The following SMAP2 variants were observed in gnomAD, a reference collection of about 807,000 sequenced individuals.
SMAP2 encodes the protein small ArfGAP2.
In SMAP2, 25 loss-of-function variants were observed where a neutral mutation model predicts 56.4. The ratio of observed to expected loss-of-function variants is 0.44; its 90% CI spans 0.32 to 0.62. SMAP2 has a LOEUF of 0.62. Among genes scored for constraint, SMAP2 ranks in the 20% least tolerant of loss-of-function variants. SMAP2 has a pLI of 0.04. For synonymous variants in SMAP2, 157 were observed against 181.7 expected (o/e 0.86, Z 1.09); for missense variants, 388 against 545.6 (o/e 0.71, Z 2.88).
At chr1:40,419,515 C>T (rs995472565) in intron 9 of SMAP2, among the ~76,000 whole-genome samples, 1 of 152,054 alleles carries the variant, frequency 6.6e-6, no homozygotes. Flanking sequence ...AAACTCCTGA[C>T]CTCAGGTGAT....
chr1:40,360,137 G>A (rs1403544872), intron 1 of SMAP2, among the ~76,000 whole-genome samples: 2 of 148,102 alleles, frequency 1.4e-5, no homozygotes, highest in African/African-American at 5.0e-5. Flanking sequence ...CTCCTGAGTA[G>A]CTGGGACTAC....
At chr1:40,372,881 A>G (rs1644506261), upstream of SMAP2, among the ~76,000 whole-genome samples, 1 of 152,150 alleles carries the variant, frequency 6.6e-6, no homozygotes, top group African/African-American at 2.4e-5. Flanking sequence ...TGCTCAGTGA[A>G]TGAATGAATG....
intron 1 of SMAP2, among the ~76,000 whole-genome samples, chr1:40,378,453 A>T (rs76166711): frequency 6.6e-6 from 1 of 152,112 alleles, no homozygotes; most frequent in Non-Finnish European, 1.5e-5. Context: ...GGGCTGTTTG[A>T]TGGGCAAAGA....
At chr1:40,345,348 G>C (rs888426858) in intron 1 of SMAP2, among the ~76,000 whole-genome samples, 1 of 151,432 alleles carries the variant, frequency 6.6e-6, no homozygotes, top group Non-Finnish European at 1.5e-5. Context: ...AGCCATGATC[G>C]TGCCACTGCA....
chr1:40,350,475 T>C (rs1226839089), intron 1 of SMAP2, among the ~76,000 whole-genome samples: 6 of 151,896 alleles, frequency 4.0e-5, no homozygotes, highest in African/African-American at 1.5e-4. Flanking sequence ...CAGAAGAGGG[T>C]GGGCTGGCAA....
At chr1:40,418,058 C>T (rs905985982) in intron 9 of SMAP2, among the ~76,000 whole-genome samples, 1 of 152,110 alleles carries the variant, frequency 6.6e-6, no homozygotes, top group Non-Finnish European at 1.5e-5. Flanking sequence ...AAAAAACAGT[C>T]ATGAAGCAGA....
chr1:40,375,649 T>A (rs1312803632), intron 1 of SMAP2: 1 of 219,858 alleles, frequency 4.5e-6, no homozygotes, highest in East Asian at 1.8e-4. Flanking sequence ...AGCTTCTTGA[T>A]TCTTGTTACA....
chr1:40,367,677 C>A, intron 2 of SMAP2, among the ~76,000 whole-genome samples: 1 of 123,564 alleles, frequency 8.1e-6, no homozygotes. Context: ...CACAACATAC[C>A]AGAATCTCTG....
intron 2 of SMAP2, among the ~76,000 whole-genome samples, chr1:40,363,397 C>A (rs1644467468): frequency 2.0e-5 from 3 of 151,946 alleles, no homozygotes. Context: ...GAGTAGGGAC[C>A]AGTGTGGGCA....
chr1:40,403,665 T>C (rs1430819189), intron 1 of SMAP2: 1 of 984,374 alleles, frequency 1.0e-6, no homozygotes. Flanking sequence ...TCCTCAGTTA[T>C]TGTCCCTCTG....
At chr1:40,402,574 C>G (rs1359970249) in intron 1 of SMAP2, among the ~76,000 whole-genome samples, 1 of 152,054 alleles carries the variant, frequency 6.6e-6, no homozygotes, top group Non-Finnish European at 1.5e-5. Flanking sequence ...CTCAGCCTCC[C>G]CAGTAGCTGG....
In SMAP2 at chr1:40,374,164, T is replaced by C. The variant is rs1389235967; in HGVS notation, c.44T>C (p.Val15Ala). ...AAGGACGTGGATCGGTACCAGGCTG[T>C]CCTGGCCAACCTGCTGCTGGAGGAG... ...SVKDVDRYQA[V>A]LANLLLEEDN... Residue 15 changes from valine to alanine, a missense_variant, in exon 1 of 10, where the codon GTC (valine) becomes GCC (alanine). By Grantham distance (64) the Val-to-Ala change is moderately conservative (BLOSUM62 0). Coordinates refer to ENST00000372718, the MANE Select transcript of SMAP2 (RefSeq NM_022733.3). This position sits in a 1 kb window ranked among gnomAD's most constrained non-coding sequence, Gnocchi z 5.9. The C allele has an allele frequency of 6.2e-7, 1 of 1,613,710 alleles. No homozygotes were observed. The highest frequency in any genetic ancestry group is 1.3e-5 in the African/African-American group (1 of 74,934).
At chr1:40,420,130 AT>A (rs1412717370) in intron 9 of SMAP2, among the ~76,000 whole-genome samples, 1 of 151,820 alleles carries the variant, frequency 6.6e-6, no homozygotes, top group Non-Finnish European at 1.5e-5. Context: ...AGTCTCATTA[AT>A]TTTTTTCAAA....
At chr1:40,378,981 CTTTT>C (rs11353360) in intron 1 of SMAP2, among the ~76,000 whole-genome samples, 3 of 134,962 alleles carry the variant, frequency 2.2e-5, no homozygotes, top group Non-Finnish European at 1.6e-5. Flanking sequence ...CTTTTCTTTT[CTTTT>C]TTTTTTTTTT....
chr1:40,373,242 T>A (rs1644509306), upstream of SMAP2, among the ~76,000 whole-genome samples: 1 of 151,878 alleles, frequency 6.6e-6, no homozygotes, highest in Non-Finnish European at 1.5e-5. Context: ...GTGACCAGAG[T>A]CCTCTGAAAA....
At chr1:40,387,818 G>A (rs903210745) in intron 1 of SMAP2, among the ~76,000 whole-genome samples, 3 of 151,294 alleles carry the variant, frequency 2.0e-5, no homozygotes, top group Admixed American at 1.3e-4. Flanking sequence ...GGCCGAGGCC[G>A]GAGCTGGCTC....
At chr1:40,365,656 G>A (rs1050416572) in intron 2 of SMAP2, among the ~76,000 whole-genome samples, 1 of 152,092 alleles carries the variant, frequency 6.6e-6, no homozygotes, top group African/African-American at 2.4e-5. Context: ...CTGTTAGAAG[G>A]AAAACTAACA....
rs563454272 is a variant in SMAP2 at position 40,409,017 on chromosome 1, A to G, written c.323+279A>G. Among the ~76,000 whole-genome samples the G allele has an allele frequency of 2.0e-5, 3 of 152,308 alleles. No individual in the cohort carries two copies. The South Asian group carries it at 6.2e-4, about 32-fold the overall frequency. The stretch of plus-strand genomic sequence containing the variant: ...TATAAAGTTACATCTCCACTAGTTT[A>G]TTTTGGATCTCTGAAACTATTGTTT... On this transcript the variant is annotated intron_variant, in intron 3 of 9. Coordinates refer to ENST00000372718, the MANE Select transcript of SMAP2 (RefSeq NM_022733.3).
intron 5 of SMAP2, among the ~76,000 whole-genome samples, chr1:40,413,814 T>A (rs1212696147): frequency 6.6e-6 from 1 of 152,208 alleles, no homozygotes; most frequent in African/African-American, 2.4e-5. Flanking sequence ...TTGGCTCTTG[T>A]ACCATCAGAT....
Sources: allele counts gnomAD v4.1 joint callset (sites outside exome capture counted in the v4.1 genomes callset), GRCh38; gene constraint gnomAD v4.1.1; non-coding constraint Gnocchi (gnomAD v3.1); transcripts MANE v1.5; gene names NCBI Gene and HGNC (gene_info 2026-07-23, HGNC 2026-07-21).